TAF10: variants seen among roughly 807,000 people sequenced by gnomAD.
The protein encoded by TAF10 is TATA-box binding protein associated factor 10, also known as transcription initiation factor TFIID subunit 10.
TAF10 carries 2 observed loss-of-function variants against 18.1 expected under a neutral mutation model. The ratio of observed to expected loss-of-function variants is 0.11; its 90% confidence interval spans 0.05 to 0.35. The LOEUF (loss-of-function observed/expected upper bound fraction) is 0.35, where lower values mean the gene tolerates loss of function less well. Ranked by LOEUF, TAF10 falls within the 10% of genes least tolerant of loss-of-function variation. The pLI is 1.00. For missense variants in TAF10, 293 were observed against 306.9 expected (o/e 0.95, Z 0.34); for synonymous variants, 158 against 134.6 (o/e 1.17, Z -1.20).
rs1855482798 is a variant in TAF10 at position 6,612,127 on chromosome 11, C to A, written c.63G>T (p.Pro21=). The A allele has an allele frequency of 8.3e-7, 1 of 1,211,148 alleles. No homozygotes were observed. The allele number at this position is 1,211,148 out of a possible 1,614,324, so 75.0% of individuals were successfully genotyped here. Residue 21 remains proline, a synonymous_variant, in exon 1 of 5, where the codon CCG becomes CCT. Transcript: ENST00000299424. ...GAGCCGAGACCGGGGGCGCGGGGCC[C>A]GGGGCCGAGGCGGCGGAGGCCGGCG... ...EAAPASAASA[P]GPAPPVSAPA...
chr11:6,606,939 G>C lies in TAF10; in HGVS notation c.*3983C>G, dbSNP rs1428893569. The C allele has an allele frequency of 6.6e-6, 1 of 152,262 alleles. No homozygotes were observed. Among genetic ancestry groups the C allele is most frequent in the Non-Finnish European group, 1.5e-5 (1 of 68,078 alleles). The allele number at this position is 152,262 out of a possible 1,614,324, so 9.4% of individuals were successfully genotyped here. On this transcript the variant is annotated 3_prime_UTR_variant, in exon 5 of 5. Transcript: ENST00000299424. ...TTCCTGGGGATAATCCCATCTCAAG[G>C]AAAAGCTTTTGGCTATTTCTGTGTT...
At position 6,611,650 on chromosome 11, in the gene TAF10, G is replaced by A. The variant is rs1855464960; in HGVS notation, c.387+14C>T. The A allele has an allele frequency of 1.9e-6, 3 of 1,575,802 alleles. No individual in the cohort carries two copies. The highest frequency in any genetic ancestry group is 2.6e-6 in the Non-Finnish European group (3 of 1,158,792). ...GACAGCAGGCTAGGTGGCCTTGTTCGGGCGGAAGCCCACCGTAGGCGTGTA... is the reference window on the plus strand; with the variant it reads ...GACAGCAGGCTAGGTGGCCTTGTTCAGGCGGAAGCCCACCGTAGGCGTGTA... On this transcript the variant is annotated intron_variant, in intron 2 of 4. Coordinates refer to ENST00000299424, the MANE Select transcript of TAF10 (RefSeq NM_006284.4).
In TAF10 at chr11:6,611,311, GA is replaced by G. The variant is rs755508114; in HGVS notation, c.453-9del. On this transcript the variant is annotated splice_polypyrimidine_tract_variant and intron_variant, in intron 3 of 4. Transcript: ENST00000299424. ...AAGGAGATGAGCCGAATTCTAGAGA[GA>G]AAAAACTTAGATGAGAAGGAGATGG... The G allele has an allele frequency of 4.3e-6, 7 of 1,613,940 alleles. No homozygotes were observed. Among genetic ancestry groups the G allele is most frequent in the African/African-American group, 1.3e-5 (1 of 74,900 alleles).
At position 6,607,886 on chromosome 11, in the gene TAF10, G is replaced by T; in HGVS notation, c.*3036C>A. 4 of 693,910 alleles carry T rather than the reference G, an allele frequency of 5.8e-6. No individual in the cohort carries two copies. The highest frequency in any genetic ancestry group is 9.9e-6 in the Non-Finnish European group (4 of 404,022). The allele number at this position is 693,910 out of a possible 1,614,324, so 43.0% of individuals were successfully genotyped here. A position where few individuals can be genotyped will look rare whatever the true frequency, so the allele number is the denominator to read the frequency against. ...TGGTTTGGTTTGAAGCTCAGGGGAA[G>T]GTCTGAAATGGACAGCTTTGGGAGT... On this transcript the variant is annotated 3_prime_UTR_variant, in exon 5 of 5. Coordinates refer to ENST00000299424, the MANE Select transcript of TAF10 (RefSeq NM_006284.4).
chr11:6,612,028 A>C lies in TAF10; in HGVS notation c.162T>G (p.Ala54=). Residue 54 remains alanine, a synonymous_variant, in exon 1 of 5, where the codon GCT becomes GCG. Transcript: ENST00000299424. ...GTCCCGTGCCCCCAGCAGCTGCTCC[A>C]GCCCCAGGTCCCCCCGCTGTCCCCG... ...SPAGTAGGPG[A]GAAAGGTGPL... The C allele has an allele frequency of 6.6e-7, 1 of 1,516,300 alleles. No homozygotes were observed. The highest frequency in any genetic ancestry group is 1.2e-5 in the South Asian group (1 of 81,062). The allele number at this position is 1,516,300 out of a possible 1,614,324, so 93.9% of individuals were successfully genotyped here.
rs1311318508 is a variant in TAF10, at chr11:6,607,712, TGTG to T, written c.*3207_*3209del. On this transcript the variant is annotated 3_prime_UTR_variant, in exon 5 of 5. Transcript: ENST00000299424. ...TGCTGAAGTAGGGGGACATATAAGA[TGTG>T]GTGGAAAACAGAAAGGACCAATAGA... 8.2e-6 allele frequency: 3 copies of T among 367,618 alleles called. No homozygotes were observed. The highest frequency in any genetic ancestry group is 1.0e-5 in the Non-Finnish European group (2 of 192,738). 22.8% of individuals were successfully genotyped at this position (367,618 alleles called of 1,614,324 possible).
At chr11:6,611,928 T>TCCCTCG (rs1855475160) in intron 1 of TAF10, 30 bp downstream of exon 1, 1 of 1,575,434 alleles carries the variant, frequency 6.3e-7, no homozygotes, top group East Asian at 2.3e-5. Flanking sequence ...CCAAGACGCT[T>TCCCTCG]CCCTCGCCCT....
rs1291251322 is a variant in TAF10, at chr11:6,612,206, G to T, written c.-17C>A. On this transcript the variant is annotated 5_prime_UTR_variant, in exon 1 of 5. Transcript: ENST00000299424. ...GCAGCTCATCGGGCCGGTGGGAGAG[G>T]CGGCGAACAGAGCCGCTTCCGCTTC... 3 of 1,242,912 alleles carry T rather than the reference G, an allele frequency of 2.4e-6. No individual in the cohort carries two copies. The highest frequency in any genetic ancestry group is 2.0e-6 in the Non-Finnish European group (2 of 983,040). 77.0% of individuals were successfully genotyped at this position (1,242,912 alleles called of 1,614,324 possible).
rs1855429179 is a variant in TAF10, at chr11:6,610,848, C to A, written c.*74G>T. On this transcript the variant is annotated 3_prime_UTR_variant, in exon 5 of 5. Transcript: ENST00000299424. ...CATGGGAGGGATCAGCCCCGCCTGT[C>A]ACAATAAAGTTTATTATGAAAACAG... The A allele has an allele frequency of 6.4e-7, 1 of 1,555,302 alleles. No homozygotes were observed. Among genetic ancestry groups the A allele is most frequent in the Non-Finnish European group, 8.9e-7 (1 of 1,127,678 alleles).
chr11:6,610,238 T>A lies in TAF10; in HGVS notation c.*684A>T. The stretch of plus-strand genomic sequence containing the variant: ...CTGTGGGAACTGGTGACACGGGAGG[T>A]ACCCTTTGCTGACCTCTCCAATATG... On this transcript the variant is annotated 3_prime_UTR_variant, in exon 5 of 5. Coordinates refer to ENST00000299424, the MANE Select transcript of TAF10 (RefSeq NM_006284.4). 1 of 1,614,162 alleles carries A rather than the reference T, an allele frequency of 6.2e-7. No individual in the cohort carries two copies. Among genetic ancestry groups the A allele is most frequent in the Non-Finnish European group, 8.5e-7 (1 of 1,180,028 alleles).
rs1854937750 is a variant in TAF10, at chr11:6,606,657, G to A, written c.*4265C>T. On this transcript the variant is annotated 3_prime_UTR_variant, in exon 5 of 5. Coordinates refer to ENST00000299424, the MANE Select transcript of TAF10 (RefSeq NM_006284.4). ...TGGAAGGTTGTGGTGCTGGTTTGAG[G>A]AGTAAAGTATGGGGGCCAAAGTTGG... is the stretch of plus-strand genomic sequence containing the variant. 6.6e-6 allele frequency: 1 copy of A among 152,292 alleles called. No individual in the cohort carries two copies. The highest frequency in any genetic ancestry group is 6.5e-5 in the Admixed American group (1 of 15,284). 9.4% of individuals were successfully genotyped at this position (152,292 alleles called of 1,614,324 possible).
Position 6,610,448 on chromosome 11 carries a change from T to C in TAF10, c.*474A>G. 3 of 1,614,232 alleles carry C rather than the reference T, an allele frequency of 1.9e-6. No individual in the cohort carries two copies. Among genetic ancestry groups the C allele is most frequent in the Non-Finnish European group, 2.5e-6 (3 of 1,180,042 alleles). On this transcript the variant is annotated 3_prime_UTR_variant, in exon 5 of 5. Coordinates refer to ENST00000299424, the MANE Select transcript of TAF10 (RefSeq NM_006284.4). Reference sequence around the variant, plus strand: ...ACTCAAATTGTGAGGCTGCTTTTTTTCTTGTATTCGCAGGTGGCATTGGAA... The same window carrying C: ...ACTCAAATTGTGAGGCTGCTTTTTTCCTTGTATTCGCAGGTGGCATTGGAA...
Position 6,607,892 on chromosome 11 carries a change from A to G in TAF10, c.*3030T>C. ...GGTTTGAAGCTCAGGGGAAGGTCTGAAATGGACAGCTTTGGGAGTTGCTGG... is the reference window on the plus strand; with the variant it reads ...GGTTTGAAGCTCAGGGGAAGGTCTGGAATGGACAGCTTTGGGAGTTGCTGG... On this transcript the variant is annotated 3_prime_UTR_variant, in exon 5 of 5. Coordinates refer to ENST00000299424, the MANE Select transcript of TAF10 (RefSeq NM_006284.4). 1 of 747,020 alleles carries G rather than the reference A, an allele frequency of 1.3e-6. No homozygotes were observed. Among genetic ancestry groups the G allele is most frequent in the Non-Finnish European group, 2.2e-6 (1 of 445,510 alleles). 46.3% of individuals were successfully genotyped at this position (747,020 alleles called of 1,614,324 possible). A position where few individuals can be genotyped will look rare whatever the true frequency, so the allele number is the denominator to read the frequency against.
In TAF10 at chr11:6,610,498, G is replaced by A. The variant is rs775217190; in HGVS notation, c.*424C>T. 6.2e-7 allele frequency: 1 copy of A among 1,614,212 alleles called. No homozygotes were observed. Among genetic ancestry groups the A allele is most frequent in the South Asian group, 1.1e-5 (1 of 91,080 alleles). On this transcript the variant is annotated 3_prime_UTR_variant, in exon 5 of 5. Transcript: ENST00000299424. ...AGGCCTTCGGCCTACCATCCCACCA[G>A]GTATTTCCCCTCATGTGTGTAAGCT...
rs764365588 is a variant in TAF10, at chr11:6,610,954, T to C, written c.625A>G (p.Ile209Val). 3 of 1,614,078 alleles carry C rather than the reference T, an allele frequency of 1.9e-6. No homozygotes were observed. The highest frequency in any genetic ancestry group is 2.7e-5 in the African/African-American group (2 of 74,924). ...AAGTAGTGCGGCTTCTTCACATTGATGCCATACTCGCTGAGGGCAGGGGTC... is the reference window on the plus strand; with the variant it reads ...AAGTAGTGCGGCTTCTTCACATTGACGCCATACTCGCTGAGGGCAGGGGTC... ...DLTPALSEYG[I>V]NVKKPHYFT The change falls in exon 5 of 5, where the codon ATC becomes GTC. Residue 209 changes from isoleucine (I) to valine (V), a missense_variant. Physicochemically the swap from Ile to Val is conservative, Grantham distance 29. Coordinates refer to ENST00000299424, the MANE Select transcript of TAF10 (RefSeq NM_006284.4).
intron 2 of TAF10, 55 bp from the exon 3 acceptor site, chr11:6,611,507 G>A (rs994201586): frequency 8.1e-6 from 13 of 1,607,052 alleles, no homozygotes; most frequent in Admixed American, 1.7e-5. Context: ...TGAGGGAAAT[G>A]GATAGGCCTG....
rs1855254901 is a variant in TAF10, at chr11:6,609,234, T to C, written c.*1688A>G. The C allele has an allele frequency of 6.2e-7, 1 of 1,602,974 alleles. No individual in the cohort carries two copies. The highest frequency in any genetic ancestry group is 8.5e-7 in the Non-Finnish European group (1 of 1,169,978). Reference sequence around the variant, plus strand: ...CTTTGTACCTGTTTTAAGTTTTTCCTCCAGTTAGTGGGCAAGGAAGTGGCA... The same window carrying C: ...CTTTGTACCTGTTTTAAGTTTTTCCCCCAGTTAGTGGGCAAGGAAGTGGCA... On this transcript the variant is annotated 3_prime_UTR_variant, in exon 5 of 5. Transcript: ENST00000299424.
rs989434950 is a variant in TAF10 at position 6,610,009 on chromosome 11, A to G, written c.*913T>C. On this transcript the variant is annotated 3_prime_UTR_variant, in exon 5 of 5. Coordinates refer to ENST00000299424, the MANE Select transcript of TAF10 (RefSeq NM_006284.4). ...TCTTTCCAATGTCCTGGTCGCATGT[A>G]TGCACCTGCCTGGGTAGCCCCCGAA... 1 of 1,614,190 alleles carries G rather than the reference A, an allele frequency of 6.2e-7. No individual in the cohort carries two copies. The highest frequency in any genetic ancestry group is 8.5e-7 in the Non-Finnish European group (1 of 1,180,036).
At position 6,612,200 on chromosome 11, in the gene TAF10, GGA is replaced by G; in HGVS notation, c.-13_-12del. The G allele has an allele frequency of 8.1e-7, 1 of 1,239,102 alleles. No homozygotes were observed. The highest frequency in any genetic ancestry group is 1.0e-6 in the Non-Finnish European group (1 of 981,016). The allele number at this position is 1,239,102 out of a possible 1,614,324, so 76.8% of individuals were successfully genotyped here. Reference sequence around the variant, plus strand: ...GCCGCTGCAGCTCATCGGGCCGGTGGGAGAGGCGGCGAACAGAGCCGCTTCCG... The same window carrying G: ...GCCGCTGCAGCTCATCGGGCCGGTGGGAGGCGGCGAACAGAGCCGCTTCCG... On this transcript the variant is annotated 5_prime_UTR_variant, in exon 1 of 5. Coordinates refer to ENST00000299424, the MANE Select transcript of TAF10 (RefSeq NM_006284.4).
Sources: allele counts gnomAD v4.1 joint callset, GRCh38; gene constraint gnomAD v4.1.1; transcripts MANE v1.5; gene names NCBI Gene and HGNC (gene_info 2026-07-23, HGNC 2026-07-21).